The following NRROS variants were observed in gnomAD, a reference collection of about 807,000 sequenced individuals.
NRROS encodes transforming growth factor beta activator LRRC33.
NRROS carries 6 observed loss-of-function variants against 12.0 expected under a neutral mutation model. The ratio of observed to expected loss-of-function variants is 0.50; its 90% confidence interval spans 0.27 to 0.98. NRROS has a LOEUF of 0.98. Among genes scored for constraint, NRROS ranks in the 50% least tolerant of loss-of-function variants. The probability of loss-of-function intolerance (pLI) is 0.11; values close to 1 mark genes in which losing one functional copy is unlikely to be tolerated. For synonymous variants in NRROS, 462 were observed against 410.2 expected (o/e 1.13, Z -1.53); for missense variants, 857 against 888.2 (o/e 0.96, Z 0.45).
At position 196,661,822 on chromosome 3, in the gene NRROS, G is replaced by T; in HGVS notation, c.*100G>T. ...ATGCAGAGGCCAAGTCTGACGAATT[G>T]AAGTTTCAATTAAAATTTAATATGT... On this transcript the variant is annotated 3_prime_UTR_variant, in exon 3 of 3. Transcript: ENST00000328557. 4 of 1,062,746 alleles carry T rather than the reference G, an allele frequency of 3.8e-6. No individual in the cohort carries two copies. Among genetic ancestry groups the T allele is most frequent in the Non-Finnish European group, 4.0e-6 (3 of 755,398 alleles). 65.8% of individuals were successfully genotyped at this position (1,062,746 alleles called of 1,614,324 possible). A position where few individuals can be genotyped will look rare whatever the true frequency, so the allele number is the denominator to read the frequency against.
intron 1 of NRROS, among the ~76,000 whole-genome samples, chr3:196,641,494 C>T (rs954096558): frequency 6.6e-6 from 1 of 152,256 alleles, no homozygotes; most frequent in East Asian, 1.9e-4. Flanking sequence ...GGAGTGTGGG[C>T]GTGAGTCACC....
chr3:196,658,842 T>C (rs142428307), intron 2 of NRROS, among the ~76,000 whole-genome samples: 336 of 152,134 alleles, frequency 2.2e-3, no homozygotes, highest in African/African-American at 6.0e-3. Context: ...TGGTGGCATG[T>C]GCCTGTAATC....
At chr3:196,646,732 G>C (rs1051083039) in intron 1 of NRROS, among the ~76,000 whole-genome samples, 1 of 152,222 alleles carries the variant, frequency 6.6e-6, no homozygotes, top group Non-Finnish European at 1.5e-5. Flanking sequence ...CCCCCCGATG[G>C]AGGCAGAGCC....
chr3:196,640,624 C>T (rs563247124), intron 1 of NRROS, among the ~76,000 whole-genome samples: 55 of 152,358 alleles, frequency 3.6e-4, no homozygotes, highest in African/African-American at 1.3e-3. Flanking sequence ...CTCGTGGCCC[C>T]TGCATGTGGG....
chr3:196,653,885 G>A lies in NRROS; in HGVS notation c.-13-642G>A, dbSNP rs551494655. Among the ~76,000 whole-genome samples the A allele has an allele frequency of 3.9e-5, 6 of 152,262 alleles. No individual in the cohort carries two copies. The South Asian group carries it at 8.3e-4, about 21-fold the overall frequency. On this transcript the variant is annotated intron_variant, in intron 1 of 2. Transcript: ENST00000328557. Reference sequence around the variant, plus strand: ...GCAAGCGGGCTGGCAACCACGTTTCGTTAACCACCTTTATTCTACCCAAAG... The same window carrying A: ...GCAAGCGGGCTGGCAACCACGTTTCATTAACCACCTTTATTCTACCCAAAG...
At chr3:196,649,422 C>T (rs1019430146) in intron 1 of NRROS, among the ~76,000 whole-genome samples, 26 of 152,214 alleles carry the variant, frequency 1.7e-4, no homozygotes, top group South Asian at 1.2e-3. Context: ...TGCACCTGTG[C>T]GCACTCTGCC....
At chr3:196,642,112 G>A (rs972555017) in intron 1 of NRROS, among the ~76,000 whole-genome samples, 1 of 152,072 alleles carries the variant, frequency 6.6e-6, no homozygotes, top group Non-Finnish European at 1.5e-5. Flanking sequence ...CTCAGGGCTA[G>A]GTTAGGTGAT....
At chr3:196,644,548 C>T (rs192329944) in intron 1 of NRROS, among the ~76,000 whole-genome samples, 2 of 151,950 alleles carry the variant, frequency 1.3e-5, no homozygotes, top group African/African-American at 2.4e-5. Flanking sequence ...GAGGCCAGGG[C>T]GGGAGTTTGA....
rs1737685960 is a variant in NRROS at position 196,661,647 on chromosome 3, T to TG, written c.2005dup (p.Val669GlyfsTer7). 3 of 1,609,874 alleles carry TG rather than the reference T, an allele frequency of 1.9e-6. No homozygotes were observed. Among genetic ancestry groups the TG allele is most frequent in the East Asian group, 4.5e-5 (2 of 44,878 alleles). On this transcript the variant is annotated frameshift_variant, in exon 3 of 3. Coordinates refer to ENST00000328557, the MANE Select transcript of NRROS (RefSeq NM_198565.3). LOFTEE classifies it high-confidence loss of function. ...GCCTCACCCTGCTGGTGGCCTGCAC[T>TG]GTCATCGTCCTCACTTTTAAGAAGC...
At chr3:196,649,276 T>A (rs1210919175) in intron 1 of NRROS, among the ~76,000 whole-genome samples, 1 of 152,174 alleles carries the variant, frequency 6.6e-6, no homozygotes, top group Non-Finnish European at 1.5e-5. Context: ...CCAGCTGCCC[T>A]TCCCATTCTC....
chr3:196,657,136 C>A (rs1289939419), intron 2 of NRROS, among the ~76,000 whole-genome samples: 1 of 150,706 alleles, frequency 6.6e-6, no homozygotes, highest in East Asian at 2.0e-4. Flanking sequence ...CCAGGGAGGC[C>A]GAGGTTGCAG....
At chr3:196,646,719 T>TC (rs34491819) in intron 1 of NRROS, among the ~76,000 whole-genome samples, 39 of 150,368 alleles carry the variant, frequency 2.6e-4, no homozygotes, top group South Asian at 1.1e-3. Context: ...GGCCTCTGAA[T>TC]CCCCCCCCGA....
Position 196,659,829 on chromosome 3 carries a change from C to T in NRROS, c.186C>T (p.Leu62=). 6.2e-7 allele frequency: 1 copy of T among 1,614,036 alleles called. No homozygotes were observed. Among genetic ancestry groups the T allele is most frequent in the Non-Finnish European group, 8.5e-7 (1 of 1,179,956 alleles). The change falls in exon 3 of 3, where the codon CTC becomes CTT. Residue 62 remains leucine, a synonymous_variant. Coordinates refer to ENST00000328557, the MANE Select transcript of NRROS (RefSeq NM_198565.3). ...PSSLPPHARM[L]TLDANPLKTL... ...GCCTCCCGCCCCACGCCCGGATGCT[C>T]ACCCTGGATGCCAACCCTCTCAAGA... is the stretch of plus-strand genomic sequence containing the variant.
In NRROS at chr3:196,660,576, C is replaced by T. The variant is rs1479119230; in HGVS notation, c.933C>T (p.Thr311=). The stretch of plus-strand genomic sequence containing the variant: ...TCCTCCTCGTGGACGGCAACGTGAC[C>T]AACATCACCACCGTCAGCCTCTGGG... The part of the protein sequence containing the change: ...AQFLLVDGNV[T]NITTVSLWEE... The change falls in exon 3 of 3, where the codon ACC becomes ACT. Residue 311 remains threonine, a synonymous_variant. Coordinates refer to ENST00000328557, the MANE Select transcript of NRROS (RefSeq NM_198565.3). The surrounding 1 kb of genome is among the most constrained non-coding windows in gnomAD (Gnocchi z 7.7). 2 of 1,614,166 alleles carry T rather than the reference C, an allele frequency of 1.2e-6. No individual in the cohort carries two copies. Among genetic ancestry groups the T allele is most frequent in the Non-Finnish European group, 1.7e-6 (2 of 1,180,028 alleles).
chr3:196,661,190 T>C lies in NRROS; in HGVS notation c.1547T>C (p.Leu516Pro). The C allele has an allele frequency of 5.6e-6, 9 of 1,613,526 alleles. No homozygotes were observed. The highest frequency in any genetic ancestry group is 7.6e-6 in the Non-Finnish European group (9 of 1,179,728). ...LQDVAPMLQV[L>P]SLRNMGLHSS... ...GATGTTGCCCCCATGTTACAGGTCC[T>C]GTCTCTCAGGAACATGGGCCTCCAC... Residue 516 changes from leucine to proline, a missense_variant, in exon 3 of 3, where the codon CTG becomes CCG. Physicochemically the swap from Leu to Pro is moderately conservative, Grantham distance 98. Transcript: ENST00000328557.
rs1439597549 is a variant in NRROS at position 196,661,765 on chromosome 3, A to G, written c.*43A>G. 1 of 1,495,732 alleles carries G rather than the reference A, an allele frequency of 6.7e-7. No homozygotes were observed. The highest frequency in any genetic ancestry group is 9.0e-7 in the Non-Finnish European group (1 of 1,114,364). The allele number at this position is 1,495,732 out of a possible 1,614,324, so 92.7% of individuals were successfully genotyped here. On this transcript the variant is annotated 3_prime_UTR_variant, in exon 3 of 3. Transcript: ENST00000328557. ...ACTCGAAATTCGGTCCGCACACAAC[A>G]GGACACTTTCTCTGCCAGCTTTCAA...
At chr3:196,658,839 A>T (rs147288532) in intron 2 of NRROS, among the ~76,000 whole-genome samples, 1 of 151,868 alleles carries the variant, frequency 6.6e-6, no homozygotes, top group African/African-American at 2.4e-5. Context: ...GCGTGGTGGC[A>T]TGTGCCTGTA....
In NRROS at chr3:196,660,060, G is replaced by T; in HGVS notation, c.417G>T (p.Leu139Phe). 6.2e-7 allele frequency: 1 copy of T among 1,613,256 alleles called. No homozygotes were observed. The highest frequency in any genetic ancestry group is 8.5e-7 in the Non-Finnish European group (1 of 1,179,956). Residue 139 changes from leucine (L) to phenylalanine (F), a missense_variant, in exon 3 of 3, where the codon TTG becomes TTT. By Grantham distance (22) the Leu-to-Phe change is conservative (BLOSUM62 0). Transcript: ENST00000328557. The surrounding 1 kb of genome is among the most constrained non-coding windows in gnomAD (Gnocchi z 7.7). Reference protein sequence around the residue: ...HALPGLRRLDLSGNALTEDMA... With the variant: ...HALPGLRRLDFSGNALTEDMA... ...TGCCGGGCCTGCGGAGGCTGGACTT[G>T]TCAGGAAACGCCCTGACGGAGGACA... is the stretch of plus-strand genomic sequence containing the variant.
intron 1 of NRROS, among the ~76,000 whole-genome samples, chr3:196,643,372 C>T (rs544481036): frequency 2.2e-4 from 34 of 152,276 alleles, no homozygotes; most frequent in Middle Eastern, 6.8e-3. Context: ...TCCTCACCCA[C>T]GAGGTGGGCG....
Sources: gnomAD v4.1 joint callset for allele counts (sites outside exome capture counted in the v4.1 genomes callset) on GRCh38, gnomAD v4.1.1 for gene constraint, Gnocchi (gnomAD v3.1) non-coding constraint, MANE v1.5 for transcripts, NCBI Gene and HGNC (gene_info 2026-07-23, HGNC 2026-07-21) for gene names.